Variants in SMARCA2 observed in about 807,000 individuals in gnomAD.
SMARCA2 encodes the protein SWI/SNF-related matrix-associated actin-dependent regulator of chromatin subfamily A member 2.
In SMARCA2, 61 loss-of-function variants were observed where a neutral mutation model predicts 199.8. The observed-to-expected ratio is 0.31, with a 90% CI of 0.25 to 0.38. The LOEUF is 0.38. Among genes scored for constraint, SMARCA2 ranks in the 10% least tolerant of loss-of-function variants. The pLI is 1.00. For missense variants in SMARCA2, 1,344 were observed against 2,012.2 expected (o/e 0.67, Z 6.35); for synonymous variants, 935 against 732.0 (o/e 1.28, Z -4.48).
At chr9:2,146,688 G>A (rs1016930104) in intron 27 of SMARCA2, among the ~76,000 whole-genome samples, 3 of 152,220 alleles carry the variant, frequency 2.0e-5, no homozygotes, top group Non-Finnish European at 4.4e-5. Flanking sequence ...GCCCATTTTT[G>A]TGGTGGTTTT....
At chr9:2,025,224 A>G (rs567395404) in intron 1 of SMARCA2, among the ~76,000 whole-genome samples, 1 of 152,106 alleles carries the variant, frequency 6.6e-6, no homozygotes, top group East Asian at 1.9e-4. Flanking sequence ...ATCAAGACAG[A>G]GTATACTGCT....
intron 28 of SMARCA2, among the ~76,000 whole-genome samples, chr9:2,168,527 A>G (rs1273763162): frequency 6.6e-6 from 1 of 152,170 alleles, no homozygotes; most frequent in African/African-American, 2.4e-5. Context: ...GCCTTGTTCC[A>G]AGGCTTCCTC....
intron 27 of SMARCA2, among the ~76,000 whole-genome samples, chr9:2,127,988 A>C (rs982429984): frequency 6.6e-6 from 1 of 152,018 alleles, no homozygotes; most frequent in African/African-American, 2.4e-5. Context: ...GGTATTTTAC[A>C]TTGTTTTGAA....
intron 7 of SMARCA2, among the ~76,000 whole-genome samples, chr9:2,057,378 ACCT>A (rs1412605214): frequency 2.6e-5 from 4 of 152,142 alleles, no homozygotes; most frequent in Admixed American, 2.6e-4. Flanking sequence ...CGAAGACCCC[ACCT>A]CCTAATACCA....
At position 2,161,365 on chromosome 9, in the gene SMARCA2, A is replaced by G. The variant is rs1347350169; in HGVS notation, c.3982-321A>G. Among the ~76,000 whole-genome samples, 1 of 152,114 alleles carries G rather than the reference A, an allele frequency of 6.6e-6. No homozygotes were observed. The highest frequency in any genetic ancestry group is 2.4e-5 in the African/African-American group (1 of 41,422). ...GGTCTTGTTCTTAAACTGAGCTAAAATTTCATCTGGATTCAGTTATCATCA... is the reference window on the plus strand; with the variant it reads ...GGTCTTGTTCTTAAACTGAGCTAAAGTTTCATCTGGATTCAGTTATCATCA... On this transcript the variant is annotated intron_variant, in intron 27 of 33. Transcript: ENST00000349721. This position sits in a 1 kb window ranked among gnomAD's most constrained non-coding sequence, Gnocchi z 4.7.
chr9:2,060,110 T>A (rs1820517368), intron 8 of SMARCA2, among the ~76,000 whole-genome samples: 1 of 109,790 alleles, frequency 9.1e-6, no homozygotes, highest in East Asian at 2.8e-4. Flanking sequence ...TCAGTGCAGA[T>A]CTGTGGCCAA....
At position 2,113,626 on chromosome 9, in the gene SMARCA2, A is replaced by G. The variant is rs534363903; in HGVS notation, c.3457-2196A>G. Reference sequence around the variant, plus strand: ...AAATATTAGCTTTTGTGACCTTCCAATTAGATGGGTGATCTGAAACACACA... The same window carrying G: ...AAATATTAGCTTTTGTGACCTTCCAGTTAGATGGGTGATCTGAAACACACA... On this transcript the variant is annotated intron_variant, in intron 24 of 33. Transcript: ENST00000349721. 2.0e-5 allele frequency among the ~76,000 whole-genome samples: 3 copies of G among 152,316 alleles called. No individual in the cohort carries two copies. The South Asian group carries it at 6.2e-4, about 32-fold the overall frequency.
chr9:2,051,477 G>T (rs1820116705), intron 5 of SMARCA2, among the ~76,000 whole-genome samples: 1 of 151,882 alleles, frequency 6.6e-6, no homozygotes, highest in South Asian at 2.1e-4. Context: ...CCTCATTTCC[G>T]CTCCACTTCC....
intron 2 of SMARCA2, among the ~76,000 whole-genome samples, chr9:2,030,695 T>G (rs1049704171): frequency 2.0e-5 from 3 of 152,112 alleles, no homozygotes; most frequent in African/African-American, 7.2e-5. Context: ...AAATAATGTT[T>G]AATCAAATAT....
chr9:2,153,917 T>G (rs984293100), intron 27 of SMARCA2, among the ~76,000 whole-genome samples: 1 of 152,214 alleles, frequency 6.6e-6, no homozygotes, highest in Non-Finnish European at 1.5e-5. Context: ...ATGTTTTTAC[T>G]TGAATTATTC....
At chr9:2,141,878 T>A (rs1824476622) in intron 27 of SMARCA2, among the ~76,000 whole-genome samples, 3 of 152,128 alleles carry the variant, frequency 2.0e-5, no homozygotes, top group Non-Finnish European at 4.4e-5. Flanking sequence ...GGCCTCTTCT[T>A]GAAAAGGTGC....
chr9:2,185,910 G>C (rs112729788), intron 31 of SMARCA2, among the ~76,000 whole-genome samples, 186 bp from the exon 32 acceptor site: 69 of 152,296 alleles, frequency 4.5e-4, no homozygotes, highest in African/African-American at 1.6e-3. Flanking sequence ...TGGACTTTCT[G>C]TATGAATGTG....
At chr9:2,024,540 C>A (rs1197876140) in intron 1 of SMARCA2, among the ~76,000 whole-genome samples, 1 of 152,172 alleles carries the variant, frequency 6.6e-6, no homozygotes, top group African/African-American at 2.4e-5. Flanking sequence ...GTCTTCTTTT[C>A]ACATTCCAGG....
In SMARCA2 at chr9:2,178,878, G is replaced by A. The variant is rs1826810487; in HGVS notation, c.4254-2693G>A. 2.0e-5 allele frequency among the ~76,000 whole-genome samples: 3 copies of A among 152,194 alleles called. No individual in the cohort carries two copies. In the South Asian group the frequency reaches 6.2e-4, roughly 32 times the overall value. On this transcript the variant is annotated intron_variant, in intron 29 of 33. Coordinates refer to ENST00000349721, the MANE Select transcript of SMARCA2 (RefSeq NM_003070.5). ...AGCTGGCCATCCAATCCCTTGCTCTGGGAGGGAGGGGGATGAGTTTGATGT... is the reference window on the plus strand; with the variant it reads ...AGCTGGCCATCCAATCCCTTGCTCTAGGAGGGAGGGGGATGAGTTTGATGT...
intron 23 of SMARCA2, among the ~76,000 whole-genome samples, chr9:2,105,529 C>T (rs1822716339): frequency 6.6e-6 from 1 of 152,134 alleles, no homozygotes; most frequent in Non-Finnish European, 1.5e-5. Flanking sequence ...GTTGGGATTA[C>T]AGGCATGAAA....
At chr9:2,059,047 A>G (rs1450727986) in intron 8 of SMARCA2, among the ~76,000 whole-genome samples, 1 of 152,124 alleles carries the variant, frequency 6.6e-6, no homozygotes, top group African/African-American at 2.4e-5. Flanking sequence ...TTGCACTGTT[A>G]TTTTTTAATG....
intron 4 of SMARCA2, chr9:2,044,862 C>T (rs979254763): frequency 5.3e-5 from 8 of 152,172 alleles, no homozygotes; most frequent in African/African-American, 1.9e-4. Context: ...GGTGAATCAA[C>T]AAAATTAGAA....
At chr9:2,168,001 T>C (rs138193682) in intron 28 of SMARCA2, among the ~76,000 whole-genome samples, 1 of 151,764 alleles carries the variant, frequency 6.6e-6, no homozygotes, top group Non-Finnish European at 1.5e-5. Flanking sequence ...TATAATAATA[T>C]TTACCTGGGG....
At chr9:2,166,594 C>G (rs751219702) in intron 28 of SMARCA2, among the ~76,000 whole-genome samples, 12 of 152,288 alleles carry the variant, frequency 7.9e-5, no homozygotes, top group African/African-American at 2.6e-4. Flanking sequence ...TGCTGTACCT[C>G]TAAATTTTTA....
Sources: allele counts gnomAD v4.1 joint callset (sites outside exome capture counted in the v4.1 genomes callset), GRCh38; gene constraint gnomAD v4.1.1; non-coding constraint Gnocchi (gnomAD v3.1); transcripts MANE v1.5; gene names NCBI Gene and HGNC (gene_info 2026-07-23, HGNC 2026-07-21).